The following TENM4 variants were observed in gnomAD, a reference collection of about 807,000 sequenced individuals.
The protein encoded by TENM4 is teneurin-4.
Under a neutral mutation model 243.3 loss-of-function variants are expected in TENM4, and 82 were observed. That is an observed-to-expected ratio of 0.34 (90% CI 0.28 to 0.40). TENM4 has a LOEUF of 0.40. TENM4 is among the 10% of genes least tolerant of loss of function. TENM4 has a pLI of 1.00. For missense variants in TENM4, 3,138 were observed against 3,673.3 expected, an observed-to-expected ratio of 0.85 and a Z score of 3.77; for synonymous variants, 1,412 against 1,456.3, an observed-to-expected ratio of 0.97 and a Z score of 0.69.
At chr11:78,686,177 G>T (rs1295399110) in intron 29 of TENM4, among the ~76,000 whole-genome samples, 6 of 152,116 alleles carry the variant, frequency 3.9e-5, no homozygotes, top group Non-Finnish European at 7.4e-5. Flanking sequence ...TGCTGGGTCC[G>T]ATCACATTTC....
chr11:78,741,145 G>A (rs1458407283), intron 19 of TENM4, among the ~76,000 whole-genome samples: 1 of 152,222 alleles, frequency 6.6e-6, no homozygotes, highest in Non-Finnish European at 1.5e-5. Context: ...GAGATGGGAA[G>A]TCAGCTTGGT....
Position 78,670,012 on chromosome 11 carries a change from A to G in TENM4, c.6333T>C (p.Asp2111=), listed in dbSNP as rs1340090129. ...ACTGCTCTGTCTTGCCTGACACATC[A>G]TCATAGCGATAGAGATCAATGGGCA... is the stretch of plus-strand genomic sequence containing the variant. ...TPLPIDLYRY[D]DVSGKTEQFG... The change falls in exon 32 of 34, where the codon GAT becomes GAC. Residue 2111 remains aspartate (D), a synonymous_variant. Transcript: ENST00000278550. 1.9e-6 allele frequency: 3 copies of G among 1,613,942 alleles called. No homozygotes were observed. Among genetic ancestry groups the G allele is most frequent in the Admixed American group, 3.3e-5 (2 of 60,018 alleles).
At chr11:78,673,158 T>C (rs1858378086) in intron 30 of TENM4, among the ~76,000 whole-genome samples, 1 of 152,040 alleles carries the variant, frequency 6.6e-6, no homozygotes, top group Non-Finnish European at 1.5e-5. Flanking sequence ...TCAATTTCCT[T>C]TCAGAGTCAG....
chr11:78,684,093 G>T (rs75556899), intron 29 of TENM4, among the ~76,000 whole-genome samples: 3,763 of 152,292 alleles, frequency 0.025, 152 homozygotes, highest in African/African-American at 0.086. Flanking sequence ...CTTTCTATGG[G>T]CCTCCTCAGT....
intron 2 of TENM4, among the ~76,000 whole-genome samples, chr11:79,262,129 C>T (rs942968019): frequency 1.3e-5 from 2 of 152,174 alleles, no homozygotes; most frequent in African/African-American, 4.8e-5. Context: ...GCGCCACCTG[C>T]ATCTTCTGAG....
At chr11:79,031,560 G>T (rs549536860) in intron 6 of TENM4, among the ~76,000 whole-genome samples, 12 of 152,158 alleles carry the variant, frequency 7.9e-5, no homozygotes, top group Admixed American at 7.9e-4. Context: ...ATCCAGCACC[G>T]ATCCAGGCAT....
chr11:78,918,324 C>T (rs1260262001), intron 6 of TENM4, among the ~76,000 whole-genome samples: 14 of 152,138 alleles, frequency 9.2e-5, no homozygotes, highest in South Asian at 6.2e-4. Flanking sequence ...GCACAAACGA[C>T]GCTAACTTTA....
intron 8 of TENM4, 29 bp from the exon 9 acceptor site, chr11:78,890,049 C>A: frequency 1.3e-6 from 2 of 1,503,936 alleles, no homozygotes; most frequent in South Asian, 1.3e-5. Flanking sequence ...AAGAGGGTGT[C>A]AGGGGCTGCC....
intron 7 of TENM4, among the ~76,000 whole-genome samples, chr11:78,901,331 C>T (rs147822652): frequency 6.6e-6 from 1 of 152,094 alleles, no homozygotes; most frequent in African/African-American, 2.4e-5. Flanking sequence ...AGCTGTTTTA[C>T]AATGAACATT....
At chr11:79,328,663 C>T (rs972370213) in intron 1 of TENM4, among the ~76,000 whole-genome samples, 14 of 152,074 alleles carry the variant, frequency 9.2e-5, no homozygotes, top group African/African-American at 2.9e-4. Context: ...CTGTAAGCAA[C>T]GATGTGGTGG....
In TENM4 at chr11:78,676,285, G is replaced by A. The variant is rs1287795194; in HGVS notation, c.5363C>T (p.Ala1788Val). The change falls in exon 30 of 34, where the codon GCT becomes GTT. Residue 1788 changes from alanine to valine, a missense_variant. Transcript: ENST00000278550. The part of the protein sequence containing the change: ...VALQTEPHLL[A>V]GTVNPTVGKR... ...GCCCACGGTGGGGTTGACGGTGCCA[G>A]CCAGCAAGTGGGGCTCAGTCTGCAG... 5.0e-6 allele frequency: 8 copies of A among 1,612,838 alleles called. No individual in the cohort carries two copies. The South Asian group carries it at 5.5e-5, about 11-fold the overall frequency.
intron 28 of TENM4, among the ~76,000 whole-genome samples, chr11:78,690,952 C>T (rs1263953978): frequency 6.6e-6 from 1 of 152,156 alleles, no homozygotes; most frequent in Non-Finnish European, 1.5e-5. Flanking sequence ...TTTATTATAC[C>T]ATGCAAGACA....
intron 15 of TENM4, among the ~76,000 whole-genome samples, chr11:78,802,706 G>A (rs527983): frequency 0.69 from 105,603 of 152,184 alleles, 37,973 homozygotes; most frequent in Non-Finnish European, 0.8. Context: ...TCACAGGGCT[G>A]CTGTTGCGCA....
intron 7 of TENM4, among the ~76,000 whole-genome samples, chr11:78,894,112 TAGTC>T (rs1443347302): frequency 1.3e-5 from 2 of 152,164 alleles, no homozygotes; most frequent in Non-Finnish European, 2.9e-5. Flanking sequence ...AGCAGGCACA[TAGTC>T]AGTGCTTCAT....
chr11:78,833,702 T>G (rs1358969490), intron 12 of TENM4, among the ~76,000 whole-genome samples: 1 of 152,226 alleles, frequency 6.6e-6, no homozygotes, highest in Non-Finnish European at 1.5e-5. Flanking sequence ...TACTTTATCA[T>G]GTCAGCAGAG....
At chr11:79,259,571 A>G (rs1361378083) in intron 2 of TENM4, among the ~76,000 whole-genome samples, 1 of 150,246 alleles carries the variant, frequency 6.7e-6, no homozygotes, top group African/African-American at 2.5e-5. Context: ...CCATCCACTC[A>G]TCCATGCATC....
At chr11:79,291,686 A>C (rs952315342) in intron 2 of TENM4, among the ~76,000 whole-genome samples, 2 of 152,170 alleles carry the variant, frequency 1.3e-5, no homozygotes, top group Non-Finnish European at 2.9e-5. Context: ...TCCAGCTTCC[A>C]GGCGCAGTAT....
intron 12 of TENM4, among the ~76,000 whole-genome samples, chr11:78,847,170 A>T (rs1347678800): frequency 6.6e-6 from 1 of 152,212 alleles, no homozygotes; most frequent in African/African-American, 2.4e-5. Context: ...CAGAACATCA[A>T]AACTCTACTT....
chr11:79,169,934 G>GA lies in TENM4; in HGVS notation c.-162-21129dup, dbSNP rs1276670194. 2.0e-5 allele frequency among the ~76,000 whole-genome samples: 3 copies of GA among 152,124 alleles called. No individual in the cohort carries two copies. In the South Asian group the frequency reaches 6.2e-4, roughly 32 times the overall value. On this transcript the variant is annotated intron_variant, in intron 3 of 33. Transcript: ENST00000278550. The stretch of plus-strand genomic sequence containing the variant: ...CAGGGGACCCTGACAGATTAATTTG[G>GA]AAAAAATGTTAGTTTGTTCCCTATT...
Sources: allele counts gnomAD v4.1 joint callset (sites outside exome capture counted in the v4.1 genomes callset), GRCh38; gene constraint gnomAD v4.1.1; transcripts MANE v1.5; gene names NCBI Gene and HGNC (gene_info 2026-07-23, HGNC 2026-07-21).